PPP2R2C: variants seen among roughly 807,000 people sequenced by gnomAD.
PPP2R2C encodes the protein protein phosphatase 2, regulatory subunit B, gamma.
In PPP2R2C, 10 loss-of-function variants were observed where a neutral mutation model predicts 45.3. That is an observed-to-expected ratio of 0.22 (90% CI 0.14 to 0.37). PPP2R2C has a LOEUF of 0.37. PPP2R2C is among the 10% of genes least tolerant of loss of function. The probability of loss-of-function intolerance (pLI) is 1.00; values close to 1 mark genes in which losing one functional copy is unlikely to be tolerated. For synonymous variants in PPP2R2C, 257 were observed against 245.4 expected (o/e 1.05, Z -0.44); for missense variants, 308 against 619.7 (o/e 0.50, Z 5.34).
intron 1 of PPP2R2C, among the ~76,000 whole-genome samples, chr4:6,446,770 C>T (rs1237601838): frequency 6.6e-6 from 1 of 152,040 alleles, no homozygotes. Flanking sequence ...CCTCACCAAG[C>T]AGGCATGGCA....
rs116007177 is a variant in PPP2R2C at position 6,452,778 on chromosome 4, C to A, written c.70+19382G>T. The stretch of plus-strand genomic sequence containing the variant: ...TGAGACCAGGGGACTCCCAGCCTAC[C>A]CTGAGTGTTCCCAAGCCTGGAAGCA... On this transcript the variant is annotated intron_variant, in intron 1 of 8. Transcript: ENST00000382599. 9.0e-3 allele frequency among the ~76,000 whole-genome samples: 1,377 copies of A among 152,366 alleles called. 21 individuals are homozygous for A. Among genetic ancestry groups the A allele is most frequent in the African/African-American group, 0.031 (1,290 of 41,590 alleles).
intron 2 of PPP2R2C, among the ~76,000 whole-genome samples, chr4:6,496,024 C>T (rs1722871565): frequency 6.6e-6 from 1 of 152,198 alleles, no homozygotes; most frequent in Admixed American, 6.5e-5. Context: ...CACATCACCC[C>T]AGTCTCTGCC....
intron 1 of PPP2R2C, among the ~76,000 whole-genome samples, chr4:6,390,569 C>T (rs576761349): frequency 3.3e-5 from 5 of 152,324 alleles, no homozygotes; most frequent in South Asian, 2.1e-4. Context: ...GGAGGGGAAG[C>T]GCCAAGTCTG....
At chr4:6,354,613 C>T (rs1712970544) in intron 5 of PPP2R2C, among the ~76,000 whole-genome samples, 3 of 151,978 alleles carry the variant, frequency 2.0e-5, no homozygotes, top group Admixed American at 2.0e-4. Flanking sequence ...GGGAACAGCC[C>T]TTCCAATTTA....
At chr4:6,551,942 T>C (rs1725198247) in intron 1 of PPP2R2C, among the ~76,000 whole-genome samples, 1 of 152,192 alleles carries the variant, frequency 6.6e-6, no homozygotes, top group Non-Finnish European at 1.5e-5. Context: ...CATGGGATCA[T>C]TTGTTAGGAA....
chr4:6,353,394 C>CCCCCCACACCGACAGCA, intron 5 of PPP2R2C, among the ~76,000 whole-genome samples: 1 of 72,902 alleles, frequency 1.4e-5, no homozygotes, highest in Non-Finnish European at 2.7e-5. Flanking sequence ...CACTGACAGC[C>CCCCCCACACCGACAGCA]CCCCCACACC....
chr4:6,448,180 C>G (rs1219070486), intron 1 of PPP2R2C, among the ~76,000 whole-genome samples: 1 of 152,196 alleles, frequency 6.6e-6, no homozygotes, highest in Admixed American at 6.5e-5. Flanking sequence ...CAGACTCCGT[C>G]AAAGCCCTTT....
At chr4:6,517,345 C>G (rs1023819061) in intron 2 of PPP2R2C, among the ~76,000 whole-genome samples, 1 of 152,202 alleles carries the variant, frequency 6.6e-6, no homozygotes, top group Non-Finnish European at 1.5e-5. Flanking sequence ...CAAAACCTGG[C>G]TGGACAACTC....
upstream of PPP2R2C, among the ~76,000 whole-genome samples, chr4:6,473,201 A>G (rs1230533166): frequency 6.6e-6 from 1 of 152,058 alleles, no homozygotes; most frequent in Non-Finnish European, 1.5e-5. Context: ...ATCTCTCCTC[A>G]TGCCCACCTC....
In PPP2R2C at chr4:6,372,698, C is replaced by T. The variant is rs1293375006; in HGVS notation, c.450G>A (p.Val150=). ...KDLSTVTSLQ[V]PVLKPMDLMV... ...TCAGATCCATGGGCTTCAGCACTGGCACCTGCAGAGGATGAGGAGGCAGGG... is the reference window on the plus strand; with the variant it reads ...TCAGATCCATGGGCTTCAGCACTGGTACCTGCAGAGGATGAGGAGGCAGGG... Residue 150 remains valine, a splice_region_variant and synonymous_variant, in exon 5 of 9, where the codon GTG becomes GTA. Coordinates refer to ENST00000382599, the MANE Select transcript of PPP2R2C (RefSeq NM_020416.4). 6.2e-7 allele frequency: 1 copy of T among 1,613,814 alleles called. No individual in the cohort carries two copies. Among genetic ancestry groups the T allele is most frequent in the Admixed American group, 1.7e-5 (1 of 60,028 alleles).
chr4:6,472,760 G>A (rs1162368455), upstream of PPP2R2C, among the ~76,000 whole-genome samples: 1 of 151,926 alleles, frequency 6.6e-6, no homozygotes, highest in Non-Finnish European at 1.5e-5. Context: ...GGGCACCTTG[G>A]TGCTGGGTGC....
intron 1 of PPP2R2C, among the ~76,000 whole-genome samples, chr4:6,395,788 G>C (rs1414202483): frequency 6.6e-6 from 1 of 152,174 alleles, no homozygotes; most frequent in Non-Finnish European, 1.5e-5. Context: ...ATTGAGCTGT[G>C]GCTGATCTCC....
chr4:6,359,192 G>A (rs528322228), intron 5 of PPP2R2C, among the ~76,000 whole-genome samples: 124 of 152,328 alleles, frequency 8.1e-4, no homozygotes, highest in African/African-American at 2.9e-3. Context: ...CATGTCCTTT[G>A]TAGGGACATG....
chr4:6,346,451 G>A (rs1265194852), intron 6 of PPP2R2C, among the ~76,000 whole-genome samples: 1 of 152,146 alleles, frequency 6.6e-6, no homozygotes, highest in Non-Finnish European at 1.5e-5. Context: ...CTCTGTCCCT[G>A]TACCTGACTT....
At chr4:6,558,618 G>A (rs540657324) in intron 1 of PPP2R2C, among the ~76,000 whole-genome samples, 10 of 152,320 alleles carry the variant, frequency 6.6e-5, no homozygotes, top group Non-Finnish European at 1.3e-4. Context: ...GCCGCAGAAA[G>A]ATTCTTTGGC....
chr4:6,538,256 A>C (rs1295223437), intron 1 of PPP2R2C, among the ~76,000 whole-genome samples: 1 of 152,162 alleles, frequency 6.6e-6, no homozygotes, highest in Non-Finnish European at 1.5e-5. Flanking sequence ...CTGGGGCGTC[A>C]GATTTGGGAA....
intron 1 of PPP2R2C, among the ~76,000 whole-genome samples, chr4:6,401,710 T>C (rs1285350493): frequency 1.3e-5 from 2 of 151,962 alleles, no homozygotes; most frequent in Admixed American, 1.3e-4. Flanking sequence ...CACCAATGAG[T>C]GGTGGCCACA....
chr4:6,507,726 G>T (rs1272306822), intron 2 of PPP2R2C, among the ~76,000 whole-genome samples: 1 of 152,212 alleles, frequency 6.6e-6, no homozygotes, highest in Non-Finnish European at 1.5e-5. Flanking sequence ...GAATTTTGGG[G>T]TGGTTTGTTA....
At chr4:6,420,975 G>C in intron 1 of PPP2R2C, 1 of 985,270 alleles carries the variant, frequency 1.0e-6, no homozygotes, top group African/African-American at 1.7e-5. Flanking sequence ...CAGCAGCCAA[G>C]AGCTTGGGCA....
Sources: allele counts gnomAD v4.1 joint callset (sites outside exome capture counted in the v4.1 genomes callset), GRCh38; gene constraint gnomAD v4.1.1; transcripts MANE v1.5; gene names NCBI Gene and HGNC (gene_info 2026-07-23, HGNC 2026-07-21).